PKP2: variants seen among roughly 807,000 people sequenced by gnomAD.
The protein encoded by PKP2 is plakophilin 2, also known as plakophilin-2.
In PKP2, 73 loss-of-function variants were observed where a neutral mutation model predicts 83.4. That is an observed-to-expected ratio of 0.88 (90% CI 0.72 to 1.06). The LOEUF (loss-of-function observed/expected upper bound fraction) is 1.06. PKP2 is among the 50% of genes least tolerant of loss of function. The pLI is 0.00. For missense variants in PKP2, 966 were observed against 1,065.4 expected, an observed-to-expected ratio of 0.91 and a Z score of 1.30; for synonymous variants, 409 against 430.4, an observed-to-expected ratio of 0.95 and a Z score of 0.62.
intron 1 of PKP2, among the ~76,000 whole-genome samples, chr12:32,880,791 T>TTGTTC (rs934657279): frequency 5.3e-5 from 8 of 151,630 alleles, no homozygotes; most frequent in Admixed American, 1.3e-4. Context: ...TCAGCTTTTT[T>TTGTTC]TGAGTTTTCT....
chr12:32,883,156 T>C lies in PKP2; in HGVS notation c.224-4124A>G, dbSNP rs571079507. 2.6e-5 allele frequency among the ~76,000 whole-genome samples: 4 copies of C among 152,292 alleles called. No homozygotes were observed. In the South Asian group the frequency reaches 8.3e-4, roughly 32 times the overall value. ...GTTGGAAACAGGGAAAAAAATAAGA[T>C]TGAATTTTTAAATCACAGACACTCT... On this transcript the variant is annotated intron_variant, in intron 1 of 12. Coordinates refer to ENST00000340811, the MANE Select transcript of PKP2 (RefSeq NM_001005242.3).
intron 1 of PKP2, among the ~76,000 whole-genome samples, chr12:32,880,142 C>T (rs1334404927): frequency 1.3e-5 from 2 of 151,416 alleles, no homozygotes; most frequent in Non-Finnish European, 2.9e-5. Context: ...GTGGCTCACA[C>T]CTGTAATCCC....
At chr12:32,796,634 C>T (rs866818266) in intron 10 of PKP2, among the ~76,000 whole-genome samples, 2 of 152,054 alleles carry the variant, frequency 1.3e-5, no homozygotes, top group East Asian at 1.9e-4. Flanking sequence ...CTCCTGACCT[C>T]GTGATCCGCC....
At chr12:32,848,081 T>A (rs1956663918) in intron 5 of PKP2, among the ~76,000 whole-genome samples, 1 of 152,186 alleles carries the variant, frequency 6.6e-6, no homozygotes, top group South Asian at 2.1e-4. Flanking sequence ...AAATCATGGA[T>A]ATGAAAAGAA....
intron 1 of PKP2, among the ~76,000 whole-genome samples, chr12:32,886,035 G>C (rs563223696): frequency 1.3e-5 from 2 of 152,308 alleles, no homozygotes; most frequent in East Asian, 3.9e-4. Context: ...TACATGTAGA[G>C]GTGCCCACAA....
intron 1 of PKP2, among the ~76,000 whole-genome samples, chr12:32,881,233 C>T (rs1236174868): frequency 1.3e-5 from 2 of 152,250 alleles, no homozygotes; most frequent in Admixed American, 1.3e-4. Flanking sequence ...CTCAAGGAGT[C>T]TTGTGAGGAG....
chr12:32,890,168 T>C (rs1957065989), intron 1 of PKP2, among the ~76,000 whole-genome samples: 1 of 152,126 alleles, frequency 6.6e-6, no homozygotes, highest in African/African-American at 2.4e-5. Flanking sequence ...CTATCATTCT[T>C]TTATCTGTAT....
chr12:32,869,679 A>G (rs949471379), intron 3 of PKP2, among the ~76,000 whole-genome samples: 1 of 152,208 alleles, frequency 6.6e-6, no homozygotes, highest in African/African-American at 2.4e-5. Flanking sequence ...TAAAGGCACA[A>G]TAAGACTTTT....
intron 5 of PKP2, among the ~76,000 whole-genome samples, chr12:32,846,482 C>G (rs1010928923): frequency 6.6e-6 from 1 of 152,122 alleles, no homozygotes; most frequent in Non-Finnish European, 1.5e-5. Context: ...CAGTGGCTCA[C>G]GCCTGTAATC....
At chr12:32,797,935 T>A (rs1400553527) in intron 10 of PKP2, among the ~76,000 whole-genome samples, 1 of 151,960 alleles carries the variant, frequency 6.6e-6, no homozygotes, top group Non-Finnish European at 1.5e-5. Context: ...GACAGGAGGA[T>A]CACTTGAGCC....
At chr12:32,867,406 T>G (rs745663830) in intron 4 of PKP2, among the ~76,000 whole-genome samples, 4 of 152,188 alleles carry the variant, frequency 2.6e-5, no homozygotes, top group Admixed American at 6.5e-5. Flanking sequence ...TTATATGGAT[T>G]ACACAGGGGC....
intron 5 of PKP2, among the ~76,000 whole-genome samples, chr12:32,850,389 AG>A (rs1217557840): frequency 6.6e-6 from 1 of 151,952 alleles, no homozygotes; most frequent in Non-Finnish European, 1.5e-5. Context: ...AAACTTTAGT[AG>A]AAACATCGTC....
At chr12:32,887,492 C>T (rs950322001) in intron 1 of PKP2, among the ~76,000 whole-genome samples, 1 of 152,188 alleles carries the variant, frequency 6.6e-6, no homozygotes, top group African/African-American at 2.4e-5. Flanking sequence ...CTTGCTCTGT[C>T]GCCCAGGCTG....
intron 4 of PKP2, among the ~76,000 whole-genome samples, chr12:32,867,151 A>AC (rs1357522537): frequency 6.6e-6 from 1 of 152,036 alleles, no homozygotes; most frequent in African/African-American, 2.4e-5. Context: ...ACATAGTGAG[A>AC]CCCCCATCTC....
At chr12:32,815,389 T>C (rs1416333395) in intron 9 of PKP2, among the ~76,000 whole-genome samples, 14 of 152,196 alleles carry the variant, frequency 9.2e-5, no homozygotes, top group Non-Finnish European at 1.9e-4. Flanking sequence ...AAACTGCCTA[T>C]CTCTCCTACT....
chr12:32,889,870 A>T (rs973753236), intron 1 of PKP2, among the ~76,000 whole-genome samples: 9 of 151,844 alleles, frequency 5.9e-5, no homozygotes, highest in African/African-American at 1.7e-4. Flanking sequence ...CGGTCAGGAG[A>T]TCGAGACCAT....
At chr12:32,879,081 T>C (rs374963727) in intron 1 of PKP2, 49 bp from the exon 2 acceptor site, 59 of 953,218 alleles carry the variant, frequency 6.2e-5, no homozygotes, top group Non-Finnish European at 9.8e-5. Context: ...GTAGGCTAAT[T>C]AATATTTACA....
intron 4 of PKP2, among the ~76,000 whole-genome samples, chr12:32,861,834 G>A (rs1428959724): frequency 6.6e-6 from 1 of 152,178 alleles, no homozygotes; most frequent in African/African-American, 2.4e-5. Flanking sequence ...AGATAAGGAT[G>A]ACAGGAGATT....
intron 4 of PKP2, among the ~76,000 whole-genome samples, chr12:32,856,665 A>G (rs1956752251): frequency 1.3e-5 from 2 of 152,070 alleles, no homozygotes; most frequent in African/African-American, 4.8e-5. Flanking sequence ...TGACGAGTTA[A>G]TGGGTGCAGC....
Sources: gnomAD v4.1 joint callset for allele counts (sites outside exome capture counted in the v4.1 genomes callset) on GRCh38, gnomAD v4.1.1 for gene constraint, MANE v1.5 for transcripts, NCBI Gene and HGNC (gene_info 2026-07-23, HGNC 2026-07-21) for gene names.